NELL1: variants seen among roughly 807,000 people sequenced by gnomAD.
NELL1 encodes protein kinase C-binding protein NELL1.
A neutral mutation model predicts 107.4 loss-of-function variants in NELL1; 76 were observed. The observed-to-expected ratio is 0.71, with a 90% CI of 0.59 to 0.86. NELL1 has a LOEUF of 0.86. NELL1 is among the 40% of genes least tolerant of loss of function. NELL1 has a pLI of 0.00. For synonymous variants in NELL1, 353 were observed against 341.2 expected (o/e 1.03, Z -0.38); for missense variants, 1,024 against 1,005.5 (o/e 1.02, Z -0.25).
At chr11:20,919,403 T>C in intron 7 of NELL1, 69 bp downstream of exon 7, 2 of 957,720 alleles carry the variant, frequency 2.1e-6, no homozygotes, top group East Asian at 2.5e-5. Context: ...TGGAGTGATA[T>C]GTTATAATGG....
chr11:21,424,036 A>T (rs1016038433), intron 15 of NELL1, among the ~76,000 whole-genome samples: 5 of 152,224 alleles, frequency 3.3e-5, no homozygotes, highest in Non-Finnish European at 5.9e-5. Flanking sequence ...AAAGATCTCA[A>T]TCCAACAACC....
intron 2 of NELL1, among the ~76,000 whole-genome samples, chr11:20,702,066 T>C (rs1420914034): frequency 6.6e-6 from 1 of 152,172 alleles, no homozygotes; most frequent in East Asian, 1.9e-4. Flanking sequence ...GGTAGCTTGA[T>C]GGGGATGGCA....
intron 15 of NELL1, chr11:21,383,654 C>A (rs1199963106): frequency 6.8e-6 from 1 of 146,018 alleles, no homozygotes; most frequent in Non-Finnish European, 1.5e-5. Context: ...TACACACCTA[C>A]AGATTTATAT....
At chr11:20,876,990 T>C (rs1291108288) in intron 4 of NELL1, among the ~76,000 whole-genome samples, 2 of 152,198 alleles carry the variant, frequency 1.3e-5, no homozygotes, top group Non-Finnish European at 2.9e-5. Context: ...TTCTCACATT[T>C]TTCTTATGAG....
chr11:21,470,607 T>C (rs1209447267), intron 15 of NELL1, among the ~76,000 whole-genome samples: 1 of 152,132 alleles, frequency 6.6e-6, no homozygotes. Flanking sequence ...TCTGTGCATA[T>C]CTGCAACCAG....
chr11:20,785,568 A>G (rs1370385412), intron 3 of NELL1, among the ~76,000 whole-genome samples: 2 of 152,234 alleles, frequency 1.3e-5, no homozygotes, highest in Non-Finnish European at 1.5e-5. Flanking sequence ...ATACTTCTCA[A>G]TGAATGCAGA....
chr11:21,019,368 C>T (rs114904209), intron 12 of NELL1, among the ~76,000 whole-genome samples: 1,958 of 152,058 alleles, frequency 0.013, 33 homozygotes, highest in African/African-American at 0.045. Flanking sequence ...GACATCCAGT[C>T]GGGAAAGAAT....
chr11:21,219,507 T>C (rs1433188635), intron 13 of NELL1, among the ~76,000 whole-genome samples: 1 of 152,180 alleles, frequency 6.6e-6, no homozygotes, highest in Non-Finnish European at 1.5e-5. Context: ...CTATTTTTAG[T>C]TTTGTTGCCT....
At chr11:21,522,841 T>TC (rs1855762893) in intron 15 of NELL1, among the ~76,000 whole-genome samples, 1 of 123,724 alleles carries the variant, frequency 8.1e-6, no homozygotes, top group Non-Finnish European at 1.8e-5. Flanking sequence ...TTTCTTTTTT[T>TC]TTTTTTTTTT....
chr11:21,009,537 G>A (rs953596208), intron 12 of NELL1, among the ~76,000 whole-genome samples: 2 of 151,992 alleles, frequency 1.3e-5, no homozygotes, highest in Non-Finnish European at 2.9e-5. Flanking sequence ...GTTACCCAGA[G>A]CTCACATGCA....
At position 20,970,053 on chromosome 11, in the gene NELL1, G is replaced by GTCCGTCCGTCCA. The variant is rs1288028582; in HGVS notation, c.1300+9496_1300+9497insGTCCGTCCATCC. Among the ~76,000 whole-genome samples, 218 of 126,046 alleles carry GTCCGTCCGTCCA rather than the reference G, an allele frequency of 1.7e-3. 1 individual carries two copies. The highest frequency in any genetic ancestry group is 6.3e-3 in the Admixed American group (78 of 12,446). The allele number at this position is 126,046 out of a possible 152,430, so 82.7% of individuals were successfully genotyped here. A position where few individuals can be genotyped will look rare whatever the true frequency, so the allele number is the denominator to read the frequency against. On this transcript the variant is annotated intron_variant, in intron 12 of 19. Coordinates refer to ENST00000357134, the MANE Select transcript of NELL1 (RefSeq NM_006157.5). The stretch of plus-strand genomic sequence containing the variant: ...ATATAAATATCTAATCTATCTCTCT[G>GTCCGTCCGTCCA]TCCATCCATCCATCCATCCATCCAT...
At chr11:21,179,785 T>C (rs1018636891) in intron 13 of NELL1, among the ~76,000 whole-genome samples, 2 of 151,218 alleles carry the variant, frequency 1.3e-5, no homozygotes, top group African/African-American at 4.9e-5. Flanking sequence ...GAGTTAGGAG[T>C]GGTCTTACCT....
intron 4 of NELL1, among the ~76,000 whole-genome samples, chr11:20,859,282 G>A (rs1848935709): frequency 6.6e-6 from 1 of 152,190 alleles, no homozygotes; most frequent in African/African-American, 2.4e-5. Context: ...TAAATTCCAA[G>A]TATAGCTGAT....
chr11:20,817,834 A>ATT (rs34729354), intron 3 of NELL1, among the ~76,000 whole-genome samples: 1 of 150,908 alleles, frequency 6.6e-6, no homozygotes, highest in African/African-American at 2.4e-5. Flanking sequence ...TGTTTTAAAG[A>ATT]TTTTTTTTTT....
chr11:20,997,749 G>C (rs926742614), intron 12 of NELL1, among the ~76,000 whole-genome samples: 1 of 152,180 alleles, frequency 6.6e-6, no homozygotes, highest in African/African-American at 2.4e-5. Flanking sequence ...AGCATTTTGA[G>C]CATTGCTTGA....
intron 2 of NELL1, among the ~76,000 whole-genome samples, chr11:20,761,262 A>C (rs939068210): frequency 6.6e-6 from 1 of 152,198 alleles, no homozygotes; most frequent in South Asian, 2.1e-4. Flanking sequence ...CTCAGGAACT[A>C]TAGCCTCAAT....
chr11:20,867,673 G>A (rs1849120958), intron 4 of NELL1, among the ~76,000 whole-genome samples: 1 of 152,142 alleles, frequency 6.6e-6, no homozygotes, highest in African/African-American at 2.4e-5. Flanking sequence ...GTGTTTAAGA[G>A]CATACGGTGT....
In NELL1 at chr11:21,170,095, G is replaced by C. The variant is rs942344859; in HGVS notation, c.1426+56381G>C. 8.7e-6 allele frequency: 8 copies of C among 914,884 alleles called. No homozygotes were observed. The African/African-American group carries it at 1.4e-4, about 15-fold the overall frequency. The allele number at this position is 914,884 out of a possible 1,614,324, so 56.7% of individuals were successfully genotyped here. A position where few individuals can be genotyped will look rare whatever the true frequency, so the allele number is the denominator to read the frequency against. ...TGGAGTCCAAGTTCTTTGAACAAAAGGATGTGGAGGCAAAACCACCCTTCA... is the reference window on the plus strand; with the variant it reads ...TGGAGTCCAAGTTCTTTGAACAAAACGATGTGGAGGCAAAACCACCCTTCA... On this transcript the variant is annotated intron_variant, in intron 13 of 19. Transcript: ENST00000357134.
At chr11:21,410,692 G>A (rs1180103106) in intron 15 of NELL1, among the ~76,000 whole-genome samples, 2 of 151,922 alleles carry the variant, frequency 1.3e-5, no homozygotes, top group South Asian at 4.1e-4. Context: ...GCTTCCTGCT[G>A]TTTGATCACA....
Sources: gnomAD v4.1 joint callset for allele counts (sites outside exome capture counted in the v4.1 genomes callset) on GRCh38, gnomAD v4.1.1 for gene constraint, MANE v1.5 for transcripts, NCBI Gene and HGNC (gene_info 2026-07-23, HGNC 2026-07-21) for gene names.